Variants in TMPRSS4 observed in about 807,000 individuals in gnomAD.
TMPRSS4 encodes transmembrane protease serine 4.
A neutral mutation model predicts 56.4 loss-of-function variants in TMPRSS4; 45 were observed. The ratio of observed to expected loss-of-function variants is 0.80; its 90% confidence interval spans 0.63 to 1.02. The LOEUF (loss-of-function observed/expected upper bound fraction) is 1.02, where lower values mean the gene tolerates loss of function less well. Ranked by LOEUF, TMPRSS4 falls within the 50% of genes least tolerant of loss-of-function variation. The pLI is 0.00. For synonymous variants in TMPRSS4, 205 were observed against 211.0 expected, an observed-to-expected ratio of 0.97 and a Z score of 0.25; for missense variants, 546 against 556.7, an observed-to-expected ratio of 0.98 and a Z score of 0.19.
At chr11:118,113,512 G>A (rs1357300034) in intron 9 of TMPRSS4, 77 bp downstream of exon 9, 12 of 1,527,064 alleles carry the variant, frequency 7.9e-6, no homozygotes, top group Admixed American at 7.0e-5. Flanking sequence ...CTCACTGACC[G>A]CCCTTGGCAC....
At chr11:118,123,283 G>T (rs866553610), downstream of TMPRSS4, among the ~76,000 whole-genome samples, 1 of 152,134 alleles carries the variant, frequency 6.6e-6, no homozygotes, top group African/African-American at 2.4e-5. Flanking sequence ...TCCTCCCAAC[G>T]TGAATATGAA....
intron 1 of TMPRSS4, among the ~76,000 whole-genome samples, chr11:118,081,673 G>A (rs1172970943): frequency 5.3e-5 from 8 of 152,350 alleles, no homozygotes; most frequent in Non-Finnish European, 5.9e-5. Context: ...CTGGCTGGGC[G>A]TCGCCCGCTG....
At chr11:118,107,913 C>G in intron 6 of TMPRSS4, 38 bp downstream of exon 6, 1 of 1,567,260 alleles carries the variant, frequency 6.4e-7, no homozygotes, top group Non-Finnish European at 8.8e-7. Context: ...CAGAAGGCCC[C>G]CACATGGACG....
At chr11:118,079,541 G>A (rs1001004708) in intron 1 of TMPRSS4, among the ~76,000 whole-genome samples, 1 of 152,200 alleles carries the variant, frequency 6.6e-6, no homozygotes, top group African/African-American at 2.4e-5. Flanking sequence ...GGAAGTCAGG[G>A]ACCCTGGGAC....
intron 4 of TMPRSS4, 91 bp from the exon 5 acceptor site, chr11:118,104,600 G>A: frequency 6.3e-7 from 1 of 1,588,808 alleles, no homozygotes; most frequent in Non-Finnish European, 8.6e-7. Flanking sequence ...TTCTAGGTTG[G>A]GGGAGCTTGG....
chr11:118,099,579 C>T (rs554267674), intron 3 of TMPRSS4, among the ~76,000 whole-genome samples: 1 of 152,254 alleles, frequency 6.6e-6, no homozygotes, highest in South Asian at 2.1e-4. Context: ...CCCATCTGTT[C>T]CAGACGGCTT....
At chr11:118,081,003 G>A (rs1463505901) in intron 1 of TMPRSS4, among the ~76,000 whole-genome samples, 1 of 152,170 alleles carries the variant, frequency 6.6e-6, no homozygotes, top group Non-Finnish European at 1.5e-5. Context: ...CACCAGAATG[G>A]GAGCTTCTTG....
downstream of TMPRSS4, among the ~76,000 whole-genome samples, chr11:118,123,715 G>A (rs599343): frequency 0.33 from 50,587 of 151,820 alleles, 8,465 homozygotes; most frequent in Non-Finnish European, 0.35. Flanking sequence ...TAGTAGAGAC[G>A]GGGTTTCACC....
intron 10 of TMPRSS4, 51 bp from the exon 11 acceptor site, chr11:118,115,087 G>C (rs1342946018): frequency 6.3e-7 from 1 of 1,588,874 alleles, no homozygotes; most frequent in East Asian, 2.3e-5. Flanking sequence ...GCAATCCAGG[G>C]CTGGGGGATA....
intron 6 of TMPRSS4, 131 bp from the exon 7 acceptor site, chr11:118,108,725 C>T (rs77098217): frequency 0.027 from 22,208 of 809,292 alleles, 1,222 homozygotes; most frequent in African/African-American, 0.15. Flanking sequence ...TCCAAATGTT[C>T]CCCACTGTGC....
chr11:118,116,974 G>A (rs191964776), intron 11 of TMPRSS4, among the ~76,000 whole-genome samples: 3 of 151,972 alleles, frequency 2.0e-5, no homozygotes, highest in African/African-American at 7.3e-5. Flanking sequence ...GCCTCCCAAG[G>A]TGCTGGGATT....
intron 1 of TMPRSS4, among the ~76,000 whole-genome samples, chr11:118,092,140 T>C (rs1946014522): frequency 6.6e-6 from 1 of 152,084 alleles, no homozygotes; most frequent in Admixed American, 6.5e-5. Flanking sequence ...AGAAGCCCTG[T>C]GATAAACACC....
At chr11:118,101,207 C>A (rs1403330391) in intron 3 of TMPRSS4, among the ~76,000 whole-genome samples, 1 of 152,140 alleles carries the variant, frequency 6.6e-6, no homozygotes, top group Non-Finnish European at 1.5e-5. Context: ...TTCTCCACGT[C>A]CCTGTTTGTA....
rs1947696723 is a variant in TMPRSS4, at chr11:118,118,947, G to A, written c.*1034G>A. 19 of 985,276 alleles carry A rather than the reference G, an allele frequency of 1.9e-5. No individual in the cohort carries two copies. Among genetic ancestry groups the A allele is most frequent in the Non-Finnish European group, 2.3e-5 (19 of 829,928 alleles). The allele number at this position is 985,276 out of a possible 1,614,324, so 61.0% of individuals were successfully genotyped here. A position where few individuals can be genotyped will look rare whatever the true frequency, so the allele number is the denominator to read the frequency against. On this transcript the variant is annotated 3_prime_UTR_variant, in exon 13 of 13. Coordinates refer to ENST00000437212, the MANE Select transcript of TMPRSS4 (RefSeq NM_019894.4). Reference sequence around the variant, plus strand: ...GTTGTGAGGATGTAAGCATGAATAAGTCCCTGCACTCAAAATGGTCAAAGA... The same window carrying A: ...GTTGTGAGGATGTAAGCATGAATAAATCCCTGCACTCAAAATGGTCAAAGA...
chr11:118,100,505 G>A (rs1306005545), intron 3 of TMPRSS4, among the ~76,000 whole-genome samples: 2 of 152,134 alleles, frequency 1.3e-5, no homozygotes, highest in Non-Finnish European at 2.9e-5. Context: ...ACAGAACCCC[G>A]GTCCCCTGAT....
chr11:118,108,563 G>T (rs1947115406), intron 6 of TMPRSS4: 1 of 445,516 alleles, frequency 2.2e-6, no homozygotes, highest in Non-Finnish European at 4.0e-6. Context: ...TCTGTTCCGG[G>T]CTCTGTCCTC....
chr11:118,079,066 C>A (rs1011720761), intron 1 of TMPRSS4, among the ~76,000 whole-genome samples: 1 of 152,064 alleles, frequency 6.6e-6, no homozygotes, highest in Non-Finnish European at 1.5e-5. Flanking sequence ...CGGGGGAGGG[C>A]AGGTGGGAAC....
At chr11:118,088,421 G>C (rs1945731230) in intron 1 of TMPRSS4, 1 of 152,212 alleles carries the variant, frequency 6.6e-6, no homozygotes, top group Non-Finnish European at 1.5e-5. Context: ...CCGAGAAGCA[G>C]GAAAAGAAGA....
chr11:118,094,933 G>A (rs1270684551), intron 2 of TMPRSS4, 78 bp downstream of exon 2: 9 of 1,490,412 alleles, frequency 6.0e-6, no homozygotes, highest in Middle Eastern at 1.7e-4. Flanking sequence ...AGCCACTCGC[G>A]CCTGGCCCTC....
Sources: gnomAD v4.1 joint callset for allele counts (sites outside exome capture counted in the v4.1 genomes callset) on GRCh38, gnomAD v4.1.1 for gene constraint, MANE v1.5 for transcripts, NCBI Gene and HGNC (gene_info 2026-07-23, HGNC 2026-07-21) for gene names.